CSDC2: variants seen among roughly 807,000 people sequenced by gnomAD.
CSDC2 encodes cold shock domain containing C2.
Under a neutral mutation model 15.8 loss-of-function variants are expected in CSDC2, and 8 were observed. That is an observed-to-expected ratio of 0.51 (90% CI 0.30 to 0.92). CSDC2 has a LOEUF of 0.92. Among genes scored for constraint, CSDC2 ranks in the 40% least tolerant of loss-of-function variants. The pLI is 0.07. For missense variants in CSDC2, 195 were observed against 213.3 expected (o/e 0.91, Z 0.53); for synonymous variants, 96 against 92.3 (o/e 1.04, Z -0.23).
chr22:41,569,244 C>A (rs998438132), intron 1 of CSDC2, among the ~76,000 whole-genome samples: 3 of 152,210 alleles, frequency 2.0e-5, no homozygotes, highest in Admixed American at 1.3e-4. Flanking sequence ...ACTTTGCTGC[C>A]CCGTCTTCTT....
chr22:41,571,359 A>G (rs954484546), intron 1 of CSDC2, among the ~76,000 whole-genome samples: 4 of 148,316 alleles, frequency 2.7e-5, no homozygotes, highest in African/African-American at 9.8e-5. Flanking sequence ...TGTCTAAAAC[A>G]AAAAAAAAAA....
rs1327158193 is a variant in CSDC2, at chr22:41,573,857, C to G, written c.299+80C>G. 2.0e-6 allele frequency: 3 copies of G among 1,509,296 alleles called. No individual in the cohort carries two copies. In the East Asian group the frequency reaches 7.0e-5, roughly 35 times the overall value. The allele number at this position is 1,509,296 out of a possible 1,614,324, so 93.5% of individuals were successfully genotyped here. A position where few individuals can be genotyped will look rare whatever the true frequency, so the allele number is the denominator to read the frequency against. ...GCCTCAAAAATGGCTCTCCAGGCCT[C>G]TCCTCTCACTGGCTGAGGTCTGTAT... On this transcript the variant is annotated intron_variant, in intron 3 of 3. Coordinates refer to ENST00000306149, the MANE Select transcript of CSDC2 (RefSeq NM_014460.4).
intron 2 of CSDC2, among the ~76,000 whole-genome samples, chr22:41,572,433 C>T (rs1374111565): frequency 7.1e-6 from 1 of 140,028 alleles, no homozygotes; most frequent in Non-Finnish European, 1.6e-5. Context: ...TCCATCCATC[C>T]ACCTGTCCAT....
intron 1 of CSDC2, among the ~76,000 whole-genome samples, chr22:41,565,322 C>T (rs933056378): frequency 1.2e-4 from 18 of 150,994 alleles, no homozygotes; most frequent in Admixed American, 8.0e-4. Flanking sequence ...TGGTGGTGCA[C>T]GCCTGTAATC....
chr22:41,562,451 T>C (rs1207240773), intron 1 of CSDC2, among the ~76,000 whole-genome samples: 1 of 148,772 alleles, frequency 6.7e-6, no homozygotes, highest in African/African-American at 2.5e-5. Flanking sequence ...TGCCTGCCCG[T>C]GTCCTGGGAA....
intron 1 of CSDC2, among the ~76,000 whole-genome samples, chr22:41,566,332 T>G (rs1420162651): frequency 6.7e-6 from 1 of 148,648 alleles, no homozygotes; most frequent in Non-Finnish European, 1.5e-5. Flanking sequence ...TAGTCCCAGC[T>G]ACTCAGGAGG....
rs140734387 is a variant in CSDC2, at chr22:41,569,312, A to G, written c.-123-2531A>G. Among the ~76,000 whole-genome samples, 487 of 152,352 alleles carry G rather than the reference A, an allele frequency of 3.2e-3. 1 individual carries two copies. The highest frequency in any genetic ancestry group is 7.0e-3 in the Admixed American group (107 of 15,310). On this transcript the variant is annotated intron_variant, in intron 1 of 3. Coordinates refer to ENST00000306149, the MANE Select transcript of CSDC2 (RefSeq NM_014460.4). ...CATATACCATAAAATTCACCTGCTT[A>G]AGGCGTTCAGTTCAGTTGTTTTTAG... is the stretch of plus-strand genomic sequence containing the variant.
chr22:41,571,788 T>C (rs554315916), intron 1 of CSDC2, 55 bp from the exon 2 acceptor site: 29 of 409,956 alleles, frequency 7.1e-5, no homozygotes, highest in African/African-American at 5.1e-4. Context: ...TGGCCAGGGT[T>C]CAGGAGCTGC....
chr22:41,572,150 C>T lies in CSDC2; in HGVS notation c.176+9C>T. 1 of 1,303,468 alleles carries T rather than the reference C, an allele frequency of 7.7e-7. No homozygotes were observed. The highest frequency in any genetic ancestry group is 9.8e-7 in the Non-Finnish European group (1 of 1,018,974). 80.7% of individuals were successfully genotyped at this position (1,303,468 alleles called of 1,614,324 possible). A position where few individuals can be genotyped will look rare whatever the true frequency, so the allele number is the denominator to read the frequency against. ...ACCAGGACCTATTCAGCGTGAGTAC[C>T]TGCCCCTTGCCCAGGCCCCTGACCC... is the stretch of plus-strand genomic sequence containing the variant. On this transcript the variant is annotated intron_variant, in intron 2 of 3. Transcript: ENST00000306149.
chr22:41,562,217 G>A (rs996694032), intron 1 of CSDC2, among the ~76,000 whole-genome samples: 2 of 152,004 alleles, frequency 1.3e-5, no homozygotes, highest in African/African-American at 2.4e-5. Context: ...GGGAAAGGGG[G>A]TCTCCAGCTT....
chr22:41,569,626 T>A (rs1339504222), intron 1 of CSDC2, among the ~76,000 whole-genome samples: 1 of 152,180 alleles, frequency 6.6e-6, no homozygotes, highest in Non-Finnish European at 1.5e-5. Context: ...CTTTTTCTTA[T>A]GGCCAAGTGC....
chr22:41,566,588 G>A lies in CSDC2; in HGVS notation c.-123-5255G>A, dbSNP rs377402597. The stretch of plus-strand genomic sequence containing the variant: ...AGAGGTTGCAGTGAGCCGAGATCAC[G>A]CCACTGCACTCCAGCCTGAGGGACA... On this transcript the variant is annotated intron_variant, in intron 1 of 3. Coordinates refer to ENST00000306149, the MANE Select transcript of CSDC2 (RefSeq NM_014460.4). 1.5e-3 allele frequency among the ~76,000 whole-genome samples: 223 copies of A among 145,598 alleles called. 2 individuals are homozygous for A. Among genetic ancestry groups the A allele is most frequent in the African/African-American group, 5.2e-3 (205 of 39,128 alleles).
chr22:41,572,364 CCACCCACCCACCCACCCACCCACCCAT>C, intron 2 of CSDC2, among the ~76,000 whole-genome samples: 1 of 52,738 alleles, frequency 1.9e-5, no homozygotes, highest in South Asian at 9.1e-4. Flanking sequence ...ACCCACCCAC[CCACCCACCCACCCACCCACCCACCCAT>C]CCATCCATCC....
At chr22:41,565,066 T>A (rs1333784876) in intron 1 of CSDC2, among the ~76,000 whole-genome samples, 1 of 151,850 alleles carries the variant, frequency 6.6e-6, no homozygotes, top group African/African-American at 2.4e-5. Flanking sequence ...CTCGAGAGGC[T>A]GAGGCAGGAG....
intron 1 of CSDC2, among the ~76,000 whole-genome samples, chr22:41,566,368 C>T (rs2067114296): frequency 6.6e-6 from 1 of 150,404 alleles, no homozygotes; most frequent in African/African-American, 2.5e-5. Context: ...CGCTTGAACC[C>T]CACAGGCAGA....
intron 1 of CSDC2, among the ~76,000 whole-genome samples, chr22:41,566,867 C>G (rs1245221381): frequency 6.7e-6 from 1 of 149,478 alleles, no homozygotes; most frequent in African/African-American, 2.5e-5. Flanking sequence ...GCGGAGCTTG[C>G]AGTGAGCCAA....
chr22:41,561,973 G>A (rs1449357302), intron 1 of CSDC2, among the ~76,000 whole-genome samples: 1 of 152,206 alleles, frequency 6.6e-6, no homozygotes, highest in Non-Finnish European at 1.5e-5. Context: ...AAGGGGCGAC[G>A]CTGGCACCCA....
intron 1 of CSDC2, 67 bp from the exon 2 acceptor site, chr22:41,571,776 T>C: frequency 2.7e-6 from 1 of 375,734 alleles, no homozygotes. Flanking sequence ...CCCTCCTCAC[T>C]GTGGCCAGGG....
intron 1 of CSDC2, among the ~76,000 whole-genome samples, chr22:41,561,870 C>G (rs1320582131): frequency 6.6e-6 from 1 of 152,200 alleles, no homozygotes; most frequent in East Asian, 1.9e-4. Flanking sequence ...GCCTGCCAGG[C>G]CTCTATCTTG....
Sources: allele counts gnomAD v4.1 joint callset (sites outside exome capture counted in the v4.1 genomes callset), GRCh38; gene constraint gnomAD v4.1.1; transcripts MANE v1.5; gene names NCBI Gene and HGNC (gene_info 2026-07-23, HGNC 2026-07-21).